The following GLB1 variants were observed in gnomAD, a reference collection of about 807,000 sequenced individuals.
GLB1 encodes beta-galactosidase.
In GLB1, 56 loss-of-function variants were observed where a neutral mutation model predicts 74.0. That is an observed-to-expected ratio of 0.76 (90% confidence interval 0.61 to 0.94). The LOEUF (loss-of-function observed/expected upper bound fraction) is 0.94, where lower values mean the gene tolerates loss of function less well. Among genes scored for constraint, GLB1 ranks in the 40% least tolerant of loss-of-function variants. The pLI, the probability that GLB1 is intolerant of heterozygous loss-of-function variation, is 0.00. For synonymous variants in GLB1, 323 were observed against 323.6 expected (o/e 1.00, Z 0.02); for missense variants, 787 against 845.5 (o/e 0.93, Z 0.86).
intron 10 of GLB1, among the ~76,000 whole-genome samples, chr3:33,036,379 A>T (rs979388682): frequency 7.2e-5 from 11 of 152,230 alleles, no homozygotes; most frequent in Non-Finnish European, 1.3e-4. Context: ...GGCCAAAAGT[A>T]AAGTGATATT....
chr3:33,065,404 G>A (rs915190496), intron 5 of GLB1, 59 bp downstream of exon 5: 3 of 1,539,478 alleles, frequency 1.9e-6, no homozygotes, highest in Admixed American at 3.9e-5. Context: ...TATCATTTAT[G>A]TAATGTAGAT....
chr3:33,088,708 T>C (rs1019541836), intron 1 of GLB1, among the ~76,000 whole-genome samples: 16 of 152,220 alleles, frequency 1.1e-4, no homozygotes, highest in African/African-American at 3.9e-4. Context: ...ATGTTCATAC[T>C]ACCCAAAGTG....
In GLB1 at chr3:33,087,597, A is replaced by G. The variant is rs868089527; in HGVS notation, c.75+9414T>C. Among the ~76,000 whole-genome samples, 947 of 144,170 alleles carry G rather than the reference A, an allele frequency of 6.6e-3. 16 individuals are homozygous for G. The highest frequency in any genetic ancestry group is 0.018 in the South Asian group (82 of 4,636). 94.6% of individuals were successfully genotyped at this position (144,170 alleles called of 152,430 possible). On this transcript the variant is annotated intron_variant, in intron 1 of 15. Coordinates refer to ENST00000307363, the MANE Select transcript of GLB1 (RefSeq NM_000404.4). ...CATGCGCGCACACACACACACACAC[A>G]CACACACACACACACACACACACAC...
At chr3:32,996,318 C>CATG (rs1696309803), downstream of GLB1, among the ~76,000 whole-genome samples, 2 of 152,316 alleles carry the variant, frequency 1.3e-5, no homozygotes, top group South Asian at 4.1e-4. Flanking sequence ...TAGGCCTGTA[C>CATG]TGTGTGAATA....
intron 4 of GLB1, among the ~76,000 whole-genome samples, chr3:33,067,298 C>T (rs139481786): frequency 7.5e-4 from 113 of 150,826 alleles, no homozygotes; most frequent in African/African-American, 2.5e-3. Flanking sequence ...CCACTACGCC[C>T]GACCTTATTT....
intron 1 of GLB1, chr3:33,094,377 C>T: frequency 7.3e-7 from 1 of 1,370,966 alleles, no homozygotes. Context: ...TCAAAGGCCA[C>T]TTACATCTGC....
intron 10 of GLB1, among the ~76,000 whole-genome samples, chr3:33,029,409 T>C (rs1697913091): frequency 2.0e-5 from 3 of 152,174 alleles, no homozygotes; most frequent in Admixed American, 2.0e-4. Flanking sequence ...AAACTCTTAT[T>C]AAGAAAGTAC....
At chr3:33,013,943 A>G (rs1697130980) in intron 15 of GLB1, 113 bp downstream of exon 15, 1 of 1,570,106 alleles carries the variant, frequency 6.4e-7, no homozygotes, top group Non-Finnish European at 8.7e-7. Flanking sequence ...CCGAAACGCC[A>G]CACTCAAAAC....
chr3:33,065,260 C>A (rs560365999), intron 5 of GLB1, among the ~76,000 whole-genome samples: 1 of 152,270 alleles, frequency 6.6e-6, no homozygotes, highest in African/African-American at 2.4e-5. Flanking sequence ...TACAAGGCAC[C>A]CAGCACAAAG....
intron 10 of GLB1, among the ~76,000 whole-genome samples, chr3:33,038,746 C>T (rs184500070): frequency 2.6e-5 from 4 of 152,158 alleles, no homozygotes; most frequent in African/African-American, 7.2e-5. Flanking sequence ...AGTTGAGACC[C>T]CTAAGAAAGT....
chr3:33,066,210 T>G (rs1007085013), intron 4 of GLB1, among the ~76,000 whole-genome samples: 1 of 152,292 alleles, frequency 6.6e-6, no homozygotes, highest in South Asian at 2.1e-4. Flanking sequence ...GAAACTCATG[T>G]TGAAATCGAA....
chr3:33,083,472 C>T (rs1700397379), intron 1 of GLB1, among the ~76,000 whole-genome samples: 3 of 151,598 alleles, frequency 2.0e-5, no homozygotes, highest in Admixed American at 6.6e-5. Flanking sequence ...AGAAAACTGC[C>T]TTCAGAGTGT....
chr3:32,997,491 C>T (rs1372457806), intron 15 of GLB1, 147 bp from the exon 16 acceptor site: 8 of 1,381,404 alleles, frequency 5.8e-6, no homozygotes, highest in Non-Finnish European at 6.9e-6. Context: ...CCCATGCCAG[C>T]CTTGGTTTTA....
chr3:33,091,119 G>A (rs1357225622), intron 1 of GLB1: 1 of 985,414 alleles, frequency 1.0e-6, no homozygotes, highest in Non-Finnish European at 1.2e-6. Flanking sequence ...CTTAAAGGGA[G>A]TAAGGATGAT....
chr3:32,981,411 A>G, the GLB1 span, among the ~76,000 whole-genome samples: 9 of 148,818 alleles, frequency 6.0e-5, no homozygotes, highest in South Asian at 1.3e-3. Flanking sequence ...AAAAAAAAAA[A>G]AAAAAGAAAA....
At chr3:33,013,153 C>T (rs1470188360) in intron 15 of GLB1, among the ~76,000 whole-genome samples, 1 of 152,170 alleles carries the variant, frequency 6.6e-6, no homozygotes, top group Non-Finnish European at 1.5e-5. Context: ...CAAGCTGTTA[C>T]CTCTCCCAGG....
At chr3:33,027,153 C>A (rs1316496999) in intron 10 of GLB1, among the ~76,000 whole-genome samples, 1 of 152,246 alleles carries the variant, frequency 6.6e-6, no homozygotes, top group Non-Finnish European at 1.5e-5. Flanking sequence ...CTGGCATCTC[C>A]AAGCTTCTGG....
Position 33,072,564 on chromosome 3 carries a change from A to G in GLB1, c.225T>C (p.Ala75=). 3 of 1,613,652 alleles carry G rather than the reference A, an allele frequency of 1.9e-6. No individual in the cohort carries two copies. Among genetic ancestry groups the G allele is most frequent in the Non-Finnish European group, 2.5e-6 (3 of 1,180,038 alleles). Reference sequence around the variant, plus strand: ...CTTACGTCTGGATGGCGTTCAGCCCAGCCATCTTCATCTTCAGCAGCCGGT... The same window carrying G: ...CTTACGTCTGGATGGCGTTCAGCCCGGCCATCTTCATCTTCAGCAGCCGGT... ...WKDRLLKMKM[A]GLNAIQTYVP... Residue 75 remains alanine, a synonymous_variant, in exon 2 of 16, where the codon GCT becomes GCC. Transcript: ENST00000307363.
the GLB1 span, among the ~76,000 whole-genome samples, chr3:32,987,190 A>G: frequency 6.6e-6 from 1 of 152,188 alleles, no homozygotes; most frequent in Non-Finnish European, 1.5e-5. Context: ...TGGAAGGTTA[A>G]AAGACTGGCC....
Sources: allele counts gnomAD v4.1 joint callset (sites outside exome capture counted in the v4.1 genomes callset), GRCh38; gene constraint gnomAD v4.1.1; transcripts MANE v1.5; gene names NCBI Gene and HGNC (gene_info 2026-07-23, HGNC 2026-07-21).